CAST: variants seen among roughly 807,000 people sequenced by gnomAD.
The protein encoded by CAST is MIR583 host.
CAST carries 76 observed loss-of-function variants against 119.6 expected under a neutral mutation model. The observed-to-expected ratio is 0.64, with a 90% CI of 0.53 to 0.77. The LOEUF is 0.77. CAST is among the 30% of genes least tolerant of loss of function. The probability of loss-of-function intolerance (pLI) is 0.00; values close to 1 mark genes in which losing one functional copy is unlikely to be tolerated. For synonymous variants in CAST, 319 were observed against 331.6 expected (o/e 0.96, Z 0.41); for missense variants, 953 against 946.5 (o/e 1.01, Z -0.09).
chr5:96,655,177 A>G (rs1415651812), intron 1 of CAST, among the ~76,000 whole-genome samples: 1 of 152,248 alleles, frequency 6.6e-6, no homozygotes, highest in Non-Finnish European at 1.5e-5. Context: ...CAGAGTGATG[A>G]GCAAGACCTG....
At chr5:96,302,926 A>G in the CAST span, among the ~76,000 whole-genome samples, 1 of 152,144 alleles carries the variant, frequency 6.6e-6, no homozygotes, top group Non-Finnish European at 1.5e-5. Flanking sequence ...TTCCAAAGTC[A>G]CTTCCACATT....
At chr5:96,161,799 A>G in the CAST span, among the ~76,000 whole-genome samples, 4 of 152,096 alleles carry the variant, frequency 2.6e-5, no homozygotes, top group African/African-American at 7.2e-5. Context: ...TCAACAATGC[A>G]TTGTAGTGTT....
the CAST span, among the ~76,000 whole-genome samples, chr5:95,983,318 G>C: frequency 6.6e-6 from 1 of 152,146 alleles, no homozygotes; most frequent in African/African-American, 2.4e-5. Context: ...GGCTCACTTT[G>C]TTGTTTTGTA....
chr5:96,670,729 C>T (rs1001077326), intron 1 of CAST, among the ~76,000 whole-genome samples: 4 of 152,246 alleles, frequency 2.6e-5, no homozygotes, highest in Non-Finnish European at 4.4e-5. Context: ...AACTCCTGAT[C>T]TCCTGATCTG....
At chr5:96,230,894 C>T in the CAST span, among the ~76,000 whole-genome samples, 7 of 152,054 alleles carry the variant, frequency 4.6e-5, no homozygotes, top group African/African-American at 1.7e-4. Flanking sequence ...AAAAGATGTT[C>T]GACATCATTA....
chr5:96,737,278 A>G (rs533112413), intron 10 of CAST, among the ~76,000 whole-genome samples: 5 of 152,134 alleles, frequency 3.3e-5, no homozygotes, highest in South Asian at 4.2e-4. Flanking sequence ...GTCTCAGGTA[A>G]TTTCTGTTTT....
the CAST span, among the ~76,000 whole-genome samples, chr5:96,208,357 C>G: frequency 1.3e-5 from 2 of 151,612 alleles, no homozygotes; most frequent in African/African-American, 4.8e-5. Flanking sequence ...ATTTCTTGTT[C>G]TGTTAGCTTT....
the CAST span, among the ~76,000 whole-genome samples, chr5:96,136,341 A>G: frequency 7.3e-6 from 1 of 137,694 alleles, no homozygotes; most frequent in Non-Finnish European, 1.6e-5. Context: ...ACATAATTGC[A>G]CCTCTTTTGT....
chr5:96,320,625 TAAAC>T, the CAST span, among the ~76,000 whole-genome samples: 1 of 152,168 alleles, frequency 6.6e-6, no homozygotes, highest in African/African-American at 2.4e-5. Context: ...GGCATTAACA[TAAAC>T]AAAACCTGAA....
chr5:96,093,708 T>G, the CAST span, among the ~76,000 whole-genome samples: 3 of 152,194 alleles, frequency 2.0e-5, no homozygotes, highest in Non-Finnish European at 4.4e-5. Context: ...AAACTACTTA[T>G]GAGGCCCATG....
the CAST span, among the ~76,000 whole-genome samples, chr5:96,283,555 C>T: frequency 1.3e-5 from 2 of 152,164 alleles, no homozygotes; most frequent in Admixed American, 6.5e-5. Context: ...GCTGTTTGAA[C>T]CTGTGTTTCA....
At chr5:96,093,166 A>T in the CAST span, among the ~76,000 whole-genome samples, 3 of 152,100 alleles carry the variant, frequency 2.0e-5, no homozygotes, top group Admixed American at 6.5e-5. Flanking sequence ...ACCAAACTAG[A>T]TGTGTTTGGG....
the CAST span, among the ~76,000 whole-genome samples, chr5:96,250,250 A>C: frequency 4.6e-5 from 7 of 152,142 alleles, no homozygotes; most frequent in African/African-American, 1.7e-4. Flanking sequence ...TATATAAAAA[A>C]GGGTGTTCAT....
intron 3 of CAST, among the ~76,000 whole-genome samples, chr5:96,717,901 C>A (rs11739478): frequency 0.45 from 68,293 of 152,030 alleles, 15,701 homozygotes; most frequent in Middle Eastern, 0.5. Flanking sequence ...TTAGTCAGCC[C>A]TAGACAGAAA....
chr5:96,691,167 A>AGACTCACCCATCAACAACCGCTATG (rs1752683032), intron 2 of CAST, among the ~76,000 whole-genome samples: 1 of 152,198 alleles, frequency 6.6e-6, no homozygotes, highest in African/African-American at 2.4e-5. Flanking sequence ...GTTTCTGTAT[A>AGACTCACCCATCAACAACCGCTATG]TGCTCCATTA....
chr5:96,604,820 A>T (rs261213), intron 1 of CAST, among the ~76,000 whole-genome samples: 3 of 152,198 alleles, frequency 2.0e-5, no homozygotes, highest in Non-Finnish European at 1.5e-5. Flanking sequence ...AGGATGTGTG[A>T]TATGTAAAAT....
At chr5:96,659,672 G>T (rs183801732), upstream of CAST, among the ~76,000 whole-genome samples, 1 of 152,208 alleles carries the variant, frequency 6.6e-6, no homozygotes, top group East Asian at 1.9e-4. Flanking sequence ...GGGATTACAG[G>T]TGCGCGCCAC....
rs1200858519 is a variant in CAST, at chr5:96,662,459, C to T, written c.37C>T (p.Arg13Trp). The change falls in exon 1 of 32, where the codon CGG becomes TGG. Residue 13 changes from arginine to tryptophan, a missense_variant. Physicochemically the swap from Arg to Trp is moderately radical, Grantham distance 101 (BLOSUM62 -3). Coordinates refer to ENST00000675179, the MANE Select transcript of CAST (RefSeq NM_001750.7). The stretch of plus-strand genomic sequence containing the variant: ...CGGCCAGAAGCCCGCCGCCTCCCCG[C>T]GGCCCCGGCGAGCAGCCGCCGCCCG... Reference protein sequence around the residue: ...QPGQKPAASPRPRRAAAARRT... With the variant: ...QPGQKPAASPWPRRAAAARRT... The T allele has an allele frequency of 2.1e-6, 3 of 1,435,314 alleles. No homozygotes were observed. Among genetic ancestry groups the T allele is most frequent in the Admixed American group, 2.6e-5 (1 of 38,078 alleles). The allele number at this position is 1,435,314 out of a possible 1,614,324, so 88.9% of individuals were successfully genotyped here.
Position 96,729,786 on chromosome 5 carries a change from C to G in CAST, c.549+61C>G. Reference sequence around the variant, plus strand: ...CAACTGGATAATAAGATACGGTTCCCCTGTTCACACTGAGGTGTGTAGTTC... The same window carrying G: ...CAACTGGATAATAAGATACGGTTCCGCTGTTCACACTGAGGTGTGTAGTTC... On this transcript the variant is annotated intron_variant, in intron 8 of 31. Transcript: ENST00000675179. 3.9e-6 allele frequency: 3 copies of G among 768,302 alleles called. No homozygotes were observed. The South Asian group carries it at 4.2e-5, about 11-fold the overall frequency. The allele number at this position is 768,302 out of a possible 1,614,324, so 47.6% of individuals were successfully genotyped here.
Sources: gnomAD v4.1 joint callset for allele counts (sites outside exome capture counted in the v4.1 genomes callset) on GRCh38, gnomAD v4.1.1 for gene constraint, MANE v1.5 for transcripts, NCBI Gene and HGNC (gene_info 2026-07-23, HGNC 2026-07-21) for gene names.